The following ORC1 variants were observed in gnomAD, a reference collection of about 807,000 sequenced individuals.
ORC1 encodes the protein origin recognition complex subunit 1, also known as origin recognition complex, subunit 1 homolog.
ORC1 carries 61 observed loss-of-function variants against 98.9 expected under a neutral mutation model. The ratio of observed to expected loss-of-function variants is 0.62; its 90% CI spans 0.50 to 0.76. The LOEUF (loss-of-function observed/expected upper bound fraction) is 0.76. Among genes scored for constraint, ORC1 ranks in the 30% least tolerant of loss-of-function variants. The pLI is 0.00. For missense variants in ORC1, 979 were observed against 1,072.2 expected (o/e 0.91, Z 1.21); for synonymous variants, 385 against 406.9 (o/e 0.95, Z 0.65).
intron 6 of ORC1, among the ~76,000 whole-genome samples, chr1:52,391,759 G>A (rs553795191): frequency 7.9e-5 from 12 of 151,958 alleles, no homozygotes; most frequent in African/African-American, 2.2e-4. Flanking sequence ...TTAGTCGGGC[G>A]TGGTGGTGAG....
intron 2 of ORC1, 67 bp downstream of exon 2, chr1:52,402,062 G>A (rs997643730): frequency 1.3e-5 from 14 of 1,114,444 alleles, no homozygotes; most frequent in Non-Finnish European, 1.9e-5. Context: ...GAACAGGCTA[G>A]ATACAAGTTG....
intron 13 of ORC1, among the ~76,000 whole-genome samples, chr1:52,382,466 G>A (rs145571373): frequency 1.3e-3 from 193 of 152,050 alleles, no homozygotes; most frequent in African/African-American, 4.2e-3. Flanking sequence ...TTCTCATTGC[G>A]CTTCCTGCTG....
chr1:52,399,159 G>T (rs1364109537), intron 3 of ORC1, among the ~76,000 whole-genome samples: 1 of 152,138 alleles, frequency 6.6e-6, no homozygotes, highest in Admixed American at 6.6e-5. Flanking sequence ...TATAAAGACA[G>T]CATCAAACAG....
Position 52,397,749 on chromosome 1 carries a change from A to G in ORC1, c.338T>C (p.Phe113Ser), listed in dbSNP as rs745814023. The G allele has an allele frequency of 1.9e-6, 3 of 1,614,088 alleles. No homozygotes were observed. The African/African-American group carries it at 4.0e-5, about 22-fold the overall frequency. ...LGRKPGAQEI[F>S]WYDYPACDSN... ...GTCACAGGCCGGGTAATCATACCAG[A>G]ATATTTCCTGTGCACCAGGCTTCCG... The change falls in exon 4 of 17, where the codon TTC becomes TCC. Residue 113 changes from phenylalanine (F) to serine (S), a missense_variant. Coordinates refer to ENST00000371568, the MANE Select transcript of ORC1 (RefSeq NM_004153.4).
chr1:52,373,440 T>C, intron 16 of ORC1, 65 bp from the exon 17 acceptor site: 1 of 1,418,360 alleles, frequency 7.1e-7, no homozygotes, highest in Non-Finnish European at 9.9e-7. Flanking sequence ...TCTGTTCCTT[T>C]CTTTCTTCAT....
chr1:52,381,783 G>GATTC, intron 13 of ORC1, 22 bp from the exon 14 acceptor site: 1 of 1,611,120 alleles, frequency 6.2e-7, no homozygotes, highest in Non-Finnish European at 8.5e-7. Context: ...AAATGACAGA[G>GATTC]GAATAAGTTG....
chr1:52,375,481 G>C lies in ORC1; in HGVS notation c.2252C>G (p.Ser751Ter). ...DSPGLVTIAH[S>*]MEAVDEMFSS... ...AAACATCTCATCCACAGCTTCCATTGAGTGGGCTATGGTGACCAGGCCAGG... is the reference window on the plus strand; with the variant it reads ...AAACATCTCATCCACAGCTTCCATTCAGTGGGCTATGGTGACCAGGCCAGG... Residue 751 changes from serine (S) to a stop codon, truncating the protein, a stop_gained, in exon 15 of 17, where the codon TCA becomes TGA. Transcript: ENST00000371568. LOFTEE classifies it high-confidence loss of function. The C allele has an allele frequency of 6.2e-7, 1 of 1,614,176 alleles. No homozygotes were observed.
chr1:52,391,927 AG>A (rs1052825542), intron 6 of ORC1, among the ~76,000 whole-genome samples: 1 of 151,972 alleles, frequency 6.6e-6, no homozygotes, highest in African/African-American at 2.4e-5. Context: ...AAAAAAAAAA[AG>A]TAGGCAAAGG....
chr1:52,387,260 T>C (rs1033916575), intron 8 of ORC1, among the ~76,000 whole-genome samples: 1 of 152,136 alleles, frequency 6.6e-6, no homozygotes, highest in Admixed American at 6.5e-5. Flanking sequence ...GCAAATCCTA[T>C]TGCGAACTGT....
At chr1:52,406,708 G>A (rs1388072192), upstream of ORC1, among the ~76,000 whole-genome samples, 1 of 152,202 alleles carries the variant, frequency 6.6e-6, no homozygotes, top group Admixed American at 6.5e-5. Flanking sequence ...TCACAAACAA[G>A]TATAGGAGAC....
At chr1:52,408,713 T>A (rs747507712), upstream of ORC1, 50 of 1,610,408 alleles carry the variant, frequency 3.1e-5, no homozygotes, top group East Asian at 6.7e-5. Flanking sequence ...CTAAGTCTCC[T>A]GATTGTCATT....
At chr1:52,400,730 A>C (rs910235379) in intron 3 of ORC1, among the ~76,000 whole-genome samples, 1 of 152,188 alleles carries the variant, frequency 6.6e-6, no homozygotes, top group African/African-American at 2.4e-5. Flanking sequence ...AAATCAGCTA[A>C]GGCTTTCGAT....
At chr1:52,377,950 G>A (rs1647015586) in intron 14 of ORC1, among the ~76,000 whole-genome samples, 1 of 152,108 alleles carries the variant, frequency 6.6e-6, no homozygotes, top group African/African-American at 2.4e-5. Context: ...AAACAGATTC[G>A]CTTCGTCATA....
Position 52,397,700 on chromosome 1 carries a change from G to T in ORC1, c.387C>A (p.Ile129=). ...ACDSNINAET[I]IGLVRVIPLA... The stretch of plus-strand genomic sequence containing the variant: ...CATCACCTACCCGAACAAGGCCAAT[G>T]ATGGTCTCCGCATTAATGTTGCTGT... The change falls in exon 4 of 17, where the codon ATC becomes ATA. Residue 129 remains isoleucine, a synonymous_variant. Transcript: ENST00000371568. 1 of 1,614,182 alleles carries T rather than the reference G, an allele frequency of 6.2e-7. No homozygotes were observed. The highest frequency in any genetic ancestry group is 8.5e-7 in the Non-Finnish European group (1 of 1,180,012).
Position 52,373,383 on chromosome 1 carries a change from C to A in ORC1, c.2392-8G>T, listed in dbSNP as rs757483577. 1.2e-6 allele frequency: 2 copies of A among 1,611,304 alleles called. No homozygotes were observed. The highest frequency in any genetic ancestry group is 3.3e-5 in the Admixed American group (2 of 60,012). On this transcript the variant is annotated splice_polypyrimidine_tract_variant and splice_region_variant and intron_variant, in intron 16 of 16. Coordinates refer to ENST00000371568, the MANE Select transcript of ORC1 (RefSeq NM_004153.4). ...CACATGTTGACTATATATCTAGACA[C>A]AAATAGCAAGGCAAAGGTTAAGAGG... is the stretch of plus-strand genomic sequence containing the variant.
rs749327876 is a variant in ORC1, at chr1:52,397,766, A to G, written c.321T>C (p.Pro107=). Residue 107 remains proline (P), a synonymous_variant, in exon 4 of 17, where the codon CCT becomes CCC. Transcript: ENST00000371568. Reference sequence around the variant, plus strand: ...CATACCAGAATATTTCCTGTGCACCAGGCTTCCGGCCCAACAAATGCCGTT... The same window carrying G: ...CATACCAGAATATTTCCTGTGCACCGGGCTTCCGGCCCAACAAATGCCGTT... The part of the protein sequence containing the change: ...ACKRHLLGRK[P]GAQEIFWYDY... The G allele has an allele frequency of 6.2e-7, 1 of 1,614,202 alleles. No individual in the cohort carries two copies. The highest frequency in any genetic ancestry group is 8.5e-7 in the Non-Finnish European group (1 of 1,180,016).
At chr1:52,394,650 T>C (rs1217780572) in intron 5 of ORC1, among the ~76,000 whole-genome samples, 1 of 152,128 alleles carries the variant, frequency 6.6e-6, no homozygotes, top group Non-Finnish European at 1.5e-5. Context: ...CCCTTGTTTC[T>C]TTCTTTCTTT....
chr1:52,407,007 G>T (rs892156241), upstream of ORC1, among the ~76,000 whole-genome samples: 1 of 152,236 alleles, frequency 6.6e-6, no homozygotes, highest in South Asian at 2.1e-4. Context: ...ATAGGAAAAA[G>T]GGAAGAGGAA....
intron 14 of ORC1, among the ~76,000 whole-genome samples, chr1:52,378,318 C>A (rs924804864): frequency 2.0e-5 from 3 of 149,226 alleles, no homozygotes; most frequent in African/African-American, 7.5e-5. Flanking sequence ...GCACTCCAGC[C>A]TGGGCAACAG....
Sources: allele counts gnomAD v4.1 joint callset (sites outside exome capture counted in the v4.1 genomes callset), GRCh38; gene constraint gnomAD v4.1.1; transcripts MANE v1.5; gene names NCBI Gene and HGNC (gene_info 2026-07-23, HGNC 2026-07-21).